The following APBB2 variants were observed in gnomAD, a reference collection of about 807,000 sequenced individuals.
APBB2 encodes amyloid beta precursor protein binding family B member 2, also known as Fe65-like 1.
A neutral mutation model predicts 82.5 loss-of-function variants in APBB2; 38 were observed. That is an observed-to-expected ratio of 0.46 (90% CI 0.36 to 0.60). The LOEUF (loss-of-function observed/expected upper bound fraction) is 0.60, where lower values mean the gene tolerates loss of function less well. APBB2 is among the 20% of genes least tolerant of loss of function. The pLI, the probability that APBB2 is intolerant of heterozygous loss-of-function variation, is 0.00. For missense variants in APBB2, 772 were observed against 972.3 expected (o/e 0.79, Z 2.74); for synonymous variants, 341 against 368.2 (o/e 0.93, Z 0.85).
intron 6 of APBB2, among the ~76,000 whole-genome samples, chr4:40,992,351 T>G (rs1015918264): frequency 2.0e-5 from 1 of 51,232 alleles, no homozygotes; most frequent in Non-Finnish European, 5.3e-5. Flanking sequence ...TTATTTATTT[T>G]TGGTAGAGAT....
In APBB2 at chr4:41,159,966, GAAGA is replaced by G. The variant is rs1560913509; in HGVS notation, c.-416-16828_-416-16825del. Among the ~76,000 whole-genome samples the G allele has an allele frequency of 2.9e-4, 25 of 87,128 alleles. 2 individuals carry two copies. Among genetic ancestry groups the G allele is most frequent in the Admixed American group, 4.0e-4 (4 of 10,070 alleles). The allele number at this position is 87,128 out of a possible 152,430, so 57.2% of individuals were successfully genotyped here. A position where few individuals can be genotyped will look rare whatever the true frequency, so the allele number is the denominator to read the frequency against. On this transcript the variant is annotated intron_variant, in intron 1 of 17. Transcript: ENST00000508593. ...AGGAGAAGGAGAAGGAGAAGGAGAA[GAAGA>G]AGAAGAAGAAGAAGAAGAAGAAGAA...
chr4:40,947,885 G>A (rs1788882282), intron 6 of APBB2, among the ~76,000 whole-genome samples: 2 of 152,032 alleles, frequency 1.3e-5, no homozygotes, highest in African/African-American at 4.8e-5. Context: ...AGAGAGGGAG[G>A]GAAAGAAAGA....
At chr4:40,817,377 C>T (rs1183369797) in intron 17 of APBB2, among the ~76,000 whole-genome samples, 2 of 151,974 alleles carry the variant, frequency 1.3e-5, no homozygotes, top group Non-Finnish European at 2.9e-5. Flanking sequence ...CCACTGCACT[C>T]CAGCCTGGGC....
At chr4:40,923,214 A>G (rs1293304023) in intron 10 of APBB2, among the ~76,000 whole-genome samples, 1 of 151,692 alleles carries the variant, frequency 6.6e-6, no homozygotes, top group African/African-American at 2.4e-5. Context: ...TGACCTTGTG[A>G]TCCGCCCGCC....
chr4:40,946,967 C>T (rs1788628372), intron 6 of APBB2, among the ~76,000 whole-genome samples: 1 of 152,168 alleles, frequency 6.6e-6, no homozygotes, highest in Non-Finnish European at 1.5e-5. Flanking sequence ...TTTAAATCTG[C>T]CAGAAGCAAA....
At chr4:41,164,434 CAG>C (rs974945123) in intron 1 of APBB2, among the ~76,000 whole-genome samples, 12 of 152,270 alleles carry the variant, frequency 7.9e-5, no homozygotes, top group African/African-American at 2.9e-4. Context: ...TCTAGGACTA[CAG>C]AGTTTCAAGA....
intron 12 of APBB2, among the ~76,000 whole-genome samples, chr4:40,874,866 T>TGG (rs1766465834): frequency 6.6e-6 from 1 of 152,234 alleles, no homozygotes; most frequent in African/African-American, 2.4e-5. Flanking sequence ...GCTCAAAAAC[T>TGG]TCTTAGAAAA....
intron 2 of APBB2, among the ~76,000 whole-genome samples, chr4:41,113,389 C>G (rs186143860): frequency 1.3e-5 from 2 of 152,154 alleles, no homozygotes; most frequent in Non-Finnish European, 2.9e-5. Context: ...AGGTAAGAGG[C>G]ATAACAATGC....
At chr4:40,890,594 C>A (rs768725921) in intron 11 of APBB2, 103 bp from the exon 12 acceptor site, 55 of 1,460,380 alleles carry the variant, frequency 3.8e-5, no homozygotes, top group Middle Eastern at 1.8e-4. Flanking sequence ...CAGAAGAAGC[C>A]ACCCTGGGGT....
At chr4:41,193,900 T>C in intron 1 of APBB2, 1 of 152,298 alleles carries the variant, frequency 6.6e-6, no homozygotes, top group East Asian at 1.9e-4. Flanking sequence ...TCTAGAACAG[T>C]GTTCGCATTT....
intron 6 of APBB2, among the ~76,000 whole-genome samples, chr4:40,951,879 G>C (rs137939635): frequency 4.1e-4 from 63 of 152,246 alleles, no homozygotes; most frequent in African/African-American, 1.4e-3. Context: ...GCTCACTACA[G>C]AATCTCTAGG....
intron 1 of APBB2, among the ~76,000 whole-genome samples, chr4:41,186,474 C>A (rs1212780223): frequency 1.3e-5 from 2 of 152,142 alleles, no homozygotes; most frequent in Non-Finnish European, 2.9e-5. Context: ...AACCTGTTTG[C>A]CATTAAGCAG....
At chr4:40,912,510 C>T (rs1000674571) in intron 10 of APBB2, among the ~76,000 whole-genome samples, 2 of 150,812 alleles carry the variant, frequency 1.3e-5, no homozygotes, top group Non-Finnish European at 2.9e-5. Context: ...CTGGGAGGCA[C>T]AGGTTGCAGT....
At chr4:41,198,381 T>C in intron 1 of APBB2, among the ~76,000 whole-genome samples, 1 of 152,236 alleles carries the variant, frequency 6.6e-6, no homozygotes, top group Non-Finnish European at 1.5e-5. Context: ...GAGATATTTG[T>C]AGAATTATCA....
chr4:40,883,402 C>T (rs1003856554), intron 12 of APBB2, among the ~76,000 whole-genome samples: 3 of 152,070 alleles, frequency 2.0e-5, no homozygotes, highest in Non-Finnish European at 4.4e-5. Context: ...GCCTGACCAA[C>T]ACGGCGAAAC....
At chr4:41,109,314 C>T (rs1488991745) in intron 2 of APBB2, among the ~76,000 whole-genome samples, 3 of 150,396 alleles carry the variant, frequency 2.0e-5, no homozygotes, top group African/African-American at 7.3e-5. Context: ...TTTTTTTAGA[C>T]GGAGTCTTGC....
intron 2 of APBB2, among the ~76,000 whole-genome samples, chr4:41,139,473 T>C (rs1758482546): frequency 6.6e-6 from 1 of 152,198 alleles, no homozygotes; most frequent in African/African-American, 2.4e-5. Flanking sequence ...TGCAAATTAA[T>C]GTTTCCAGCA....
At chr4:41,182,052 GA>G (rs1054289855) in intron 1 of APBB2, among the ~76,000 whole-genome samples, 2 of 152,048 alleles carry the variant, frequency 1.3e-5, no homozygotes, top group Non-Finnish European at 2.9e-5. Context: ...AACAGAAAAG[GA>G]GGCGTGAGAA....
chr4:40,970,406 C>A (rs991874006), intron 6 of APBB2, among the ~76,000 whole-genome samples: 1 of 152,052 alleles, frequency 6.6e-6, no homozygotes, highest in Non-Finnish European at 1.5e-5. Context: ...TCCTCAGAAT[C>A]AATTTCCTCA....
Sources: allele counts gnomAD v4.1 joint callset (sites outside exome capture counted in the v4.1 genomes callset), GRCh38; gene constraint gnomAD v4.1.1; transcripts MANE v1.5; gene names NCBI Gene and HGNC (gene_info 2026-07-23, HGNC 2026-07-21).